The following DNAJC8 variants were observed in gnomAD, a reference collection of about 807,000 sequenced individuals.
DNAJC8 encodes the protein DnaJ heat shock protein family (Hsp40) member C8, also known as dnaJ homolog subfamily C member 8.
A neutral mutation model predicts 43.2 loss-of-function variants in DNAJC8; 24 were observed. The ratio of observed to expected loss-of-function variants is 0.56; its 90% CI spans 0.40 to 0.78. DNAJC8 has a LOEUF of 0.78. Among genes scored for constraint, DNAJC8 ranks in the 30% least tolerant of loss-of-function variants. The pLI, the probability that DNAJC8 is intolerant of heterozygous loss-of-function variation, is 0.00. For missense variants in DNAJC8, 207 were observed against 299.4 expected (o/e 0.69, Z 2.28); for synonymous variants, 83 against 98.0 (o/e 0.85, Z 0.90).
chr1:28,218,126 G>A lies in DNAJC8; in HGVS notation c.181-3130C>T, dbSNP rs1244651983. Among the ~76,000 whole-genome samples the A allele has an allele frequency of 2.8e-4, 39 of 138,290 alleles. 1 individual carries two copies. Among genetic ancestry groups the A allele is most frequent in the Admixed American group, 1.2e-3 (15 of 12,814 alleles). The allele number at this position is 138,290 out of a possible 152,430, so 90.7% of individuals were successfully genotyped here. ...TTTTTTTTTTTTGAGATGGAGTTTC[G>A]CTCTTGTTGCCCAGGCTAGAGTGCA... is the stretch of plus-strand genomic sequence containing the variant. On this transcript the variant is annotated intron_variant, in intron 2 of 8. Transcript: ENST00000263697.
At position 28,228,849 on chromosome 1, in the gene DNAJC8, T is replaced by C. The variant is rs985951504; in HGVS notation, c.180+73A>G. On this transcript the variant is annotated intron_variant, in intron 2 of 8. Transcript: ENST00000263697. ...ACTATGATATAAATTAGGTATGTAT[T>C]CTGATGTAGGTATGCCTGCAGCTAT... The C allele has an allele frequency of 1.2e-5, 15 of 1,224,856 alleles. No individual in the cohort carries two copies. The South Asian group carries it at 1.4e-4, about 12-fold the overall frequency. The allele number at this position is 1,224,856 out of a possible 1,614,324, so 75.9% of individuals were successfully genotyped here. A position where few individuals can be genotyped will look rare whatever the true frequency, so the allele number is the denominator to read the frequency against.
chr1:28,206,856 C>A (rs753814573), intron 6 of DNAJC8, among the ~76,000 whole-genome samples: 2 of 152,128 alleles, frequency 1.3e-5, no homozygotes, highest in African/African-American at 4.8e-5. Flanking sequence ...CTCTTTTATC[C>A]TGTTACCTGC....
chr1:28,205,417 T>C, intron 6 of DNAJC8, 68 bp from the exon 7 acceptor site: 1 of 1,208,450 alleles, frequency 8.3e-7, no homozygotes. Flanking sequence ...AACCATGTAC[T>C]TTCACCTGGA....
intron 5 of DNAJC8, 106 bp from the exon 6 acceptor site, chr1:28,208,519 C>A: frequency 4.2e-4 from 203 of 478,974 alleles, no homozygotes; most frequent in Middle Eastern, 5.0e-4. Flanking sequence ...ACGGGTATAG[C>A]AAAAAGTTTT....
At chr1:28,214,010 T>C (rs1646833995) in intron 3 of DNAJC8, among the ~76,000 whole-genome samples, 1 of 151,984 alleles carries the variant, frequency 6.6e-6, no homozygotes, top group South Asian at 2.1e-4. Context: ...AGTGAGACCC[T>C]GTCTCAAAAA....
chr1:28,208,420 A>G lies in DNAJC8; in HGVS notation c.400-7T>C. ...GTTTTTTTCGCTCTTTCACCTAAAA[A>G]GAATTTTTTTTCATCAAAAGACGAG... On this transcript the variant is annotated splice_region_variant and splice_polypyrimidine_tract_variant and intron_variant, in intron 5 of 8. Coordinates refer to ENST00000263697, the MANE Select transcript of DNAJC8 (RefSeq NM_014280.3). 5.0e-6 allele frequency: 8 copies of G among 1,607,806 alleles called. No individual in the cohort carries two copies. Among genetic ancestry groups the G allele is most frequent in the Non-Finnish European group, 6.8e-6 (8 of 1,175,508 alleles).
chr1:28,219,941 T>G (rs776666693), intron 2 of DNAJC8, among the ~76,000 whole-genome samples: 2 of 152,176 alleles, frequency 1.3e-5, no homozygotes, highest in Non-Finnish European at 2.9e-5. Context: ...CCTCCCAAAG[T>G]GCTAGGATTA....
intron 2 of DNAJC8, among the ~76,000 whole-genome samples, chr1:28,221,684 C>G (rs1646899342): frequency 6.6e-6 from 1 of 152,130 alleles, no homozygotes; most frequent in African/African-American, 2.4e-5. Context: ...TAAAGTATGG[C>G]TAGATAGAAA....
chr1:28,214,513 G>A (rs376176387), intron 3 of DNAJC8, among the ~76,000 whole-genome samples: 17 of 151,978 alleles, frequency 1.1e-4, no homozygotes, highest in Admixed American at 5.2e-4. Flanking sequence ...CAGCGTGGGC[G>A]ACAAAGCAAG....
chr1:28,218,711 G>C (rs1291295501), intron 2 of DNAJC8, among the ~76,000 whole-genome samples: 1 of 151,692 alleles, frequency 6.6e-6, no homozygotes, highest in Non-Finnish European at 1.5e-5. Context: ...TTTGAGACAG[G>C]CCTGGCCAAC....
At chr1:28,211,395 C>A (rs1401049102) in intron 3 of DNAJC8, among the ~76,000 whole-genome samples, 2 of 152,188 alleles carry the variant, frequency 1.3e-5, no homozygotes, top group Admixed American at 1.3e-4. Flanking sequence ...ATTAGGGATG[C>A]TCGACCATTA....
At chr1:28,221,669 G>A (rs953577604) in intron 2 of DNAJC8, among the ~76,000 whole-genome samples, 2 of 152,086 alleles carry the variant, frequency 1.3e-5, no homozygotes, top group East Asian at 1.9e-4. Context: ...TACTATGCTC[G>A]ATTTTAAAGT....
In DNAJC8 at chr1:28,210,657, G is replaced by A. The variant is rs1438431664; in HGVS notation, c.238-20C>T. On this transcript the variant is annotated intron_variant, in intron 3 of 8. Coordinates refer to ENST00000263697, the MANE Select transcript of DNAJC8 (RefSeq NM_014280.3). ...GGATAACTACAATAAGAGAAAAGTT[G>A]GGGTTGTCAATAAGGGAAACATTTA... 6 of 1,609,120 alleles carry A rather than the reference G, an allele frequency of 3.7e-6. No individual in the cohort carries two copies. The highest frequency in any genetic ancestry group is 3.3e-5 in the Admixed American group (2 of 59,880).
At chr1:28,228,638 A>G (rs966136516) in intron 2 of DNAJC8, among the ~76,000 whole-genome samples, 1 of 152,214 alleles carries the variant, frequency 6.6e-6, no homozygotes, top group African/African-American at 2.4e-5. Context: ...ATGCTCATTA[A>G]CATTCTGAAT....
intron 2 of DNAJC8, among the ~76,000 whole-genome samples, chr1:28,217,828 T>C (rs1264656784): frequency 1.3e-5 from 2 of 152,090 alleles, no homozygotes; most frequent in African/African-American, 4.8e-5. Flanking sequence ...ATTTCTTTTT[T>C]AAAAATAAAT....
chr1:28,209,225 CT>C (rs763030636), intron 5 of DNAJC8, among the ~76,000 whole-genome samples: 4 of 152,186 alleles, frequency 2.6e-5, no homozygotes, highest in Non-Finnish European at 5.9e-5. Flanking sequence ...TTTGTCTCCT[CT>C]TCTTATCCAT....
intron 8 of DNAJC8, among the ~76,000 whole-genome samples, chr1:28,202,054 C>T (rs1646737742): frequency 6.6e-6 from 1 of 152,130 alleles, no homozygotes; most frequent in East Asian, 1.9e-4. Flanking sequence ...CACGCCATCG[C>T]ACTCCAGCCT....
chr1:28,228,946 A>C lies in DNAJC8; in HGVS notation c.156T>G (p.Ser52=). The change falls in exon 2 of 9, where the codon TCT becomes TCG. Residue 52 remains serine (S), a synonymous_variant. Coordinates refer to ENST00000263697, the MANE Select transcript of DNAJC8 (RefSeq NM_014280.3). ...QIERLTRPGS[S]YFNLNPFEVL... is the part of the protein sequence containing the mutation. ...CCTCAAATGGGTTCAAATTGAAGTA[A>C]GAGGAACCAGGACGGGTCAGTCTTT... 6.2e-7 allele frequency: 1 copy of C among 1,613,076 alleles called. No individual in the cohort carries two copies. The highest frequency in any genetic ancestry group is 8.5e-7 in the Non-Finnish European group (1 of 1,179,930).
At chr1:28,201,510 C>T in intron 8 of DNAJC8, 140 bp from the exon 9 acceptor site, 2 of 1,329,852 alleles carry the variant, frequency 1.5e-6, no homozygotes, top group Non-Finnish European at 2.1e-6. Context: ...TAGAGCTGGC[C>T]AGGCACAGTG....
Sources: gnomAD v4.1 joint callset for allele counts (sites outside exome capture counted in the v4.1 genomes callset) on GRCh38, gnomAD v4.1.1 for gene constraint, MANE v1.5 for transcripts, NCBI Gene and HGNC (gene_info 2026-07-23, HGNC 2026-07-21) for gene names.